The following ACBD6 variants were observed in gnomAD, a reference collection of about 807,000 sequenced individuals.
ACBD6 encodes acyl-CoA binding domain containing 6, also known as acyl-CoA-binding domain-containing protein 6.
Under a neutral mutation model 37.2 loss-of-function variants are expected in ACBD6, and 28 were observed. The observed-to-expected ratio is 0.75, with a 90% CI of 0.56 to 1.03. The LOEUF (loss-of-function observed/expected upper bound fraction) is 1.03, where lower values mean the gene tolerates loss of function less well. Ranked by LOEUF, ACBD6 falls within the 50% of genes least tolerant of loss-of-function variation. The probability of loss-of-function intolerance (pLI) is 0.00; values close to 1 mark genes in which losing one functional copy is unlikely to be tolerated. For synonymous variants in ACBD6, 113 were observed against 126.8 expected, an observed-to-expected ratio of 0.89 and a Z score of 0.73; for missense variants, 340 against 337.4, an observed-to-expected ratio of 1.01 and a Z score of -0.06.
At chr1:180,421,079 T>C (rs535247065) in intron 4 of ACBD6, among the ~76,000 whole-genome samples, 1 of 152,212 alleles carries the variant, frequency 6.6e-6, no homozygotes, top group South Asian at 2.1e-4. Flanking sequence ...TGTAAATAGG[T>C]GCCATGGTGG....
At chr1:180,442,177 A>G (rs1420302256) in intron 3 of ACBD6, among the ~76,000 whole-genome samples, 1 of 151,570 alleles carries the variant, frequency 6.6e-6, no homozygotes, top group Non-Finnish European at 1.5e-5. Context: ...TCTCTTTTTC[A>G]CTGGCTTTCA....
At position 180,375,674 on chromosome 1, in the gene ACBD6, GGAA is replaced by G. The variant is rs1437342722; in HGVS notation, c.663+21839_663+21841del. Among the ~76,000 whole-genome samples, 10 of 152,116 alleles carry G rather than the reference GGAA, an allele frequency of 6.6e-5. No individual in the cohort carries two copies. In the East Asian group the frequency reaches 1.9e-3, roughly 29 times the overall value. On this transcript the variant is annotated intron_variant, in intron 6 of 7. Coordinates refer to ENST00000367595, the MANE Select transcript of ACBD6 (RefSeq NM_032360.4). ...TGCCAGGACAACAGGTAAGCCACTT[GGAA>G]GAAGACAAAATTAGATCCACATCTC... is the stretch of plus-strand genomic sequence containing the variant.
At chr1:180,401,437 G>C (rs2101956702) in intron 5 of ACBD6, among the ~76,000 whole-genome samples, 1 of 152,008 alleles carries the variant, frequency 6.6e-6, no homozygotes, top group South Asian at 2.1e-4. Context: ...AAACCATGTA[G>C]AATTTTTTTT....
At chr1:180,470,516 C>T (rs1235519837) in intron 3 of ACBD6, among the ~76,000 whole-genome samples, 5 of 152,148 alleles carry the variant, frequency 3.3e-5, no homozygotes, top group Admixed American at 3.3e-4. Flanking sequence ...CTTAGAATAG[C>T]AATGAACTGA....
At chr1:180,490,904 G>A (rs1192124965) in intron 3 of ACBD6, among the ~76,000 whole-genome samples, 1 of 146,896 alleles carries the variant, frequency 6.8e-6, no homozygotes. Context: ...GTTACGTTGA[G>A]CCAAGATCCT....
chr1:180,408,919 G>A (rs1647737947), intron 5 of ACBD6, among the ~76,000 whole-genome samples: 2 of 152,086 alleles, frequency 1.3e-5, no homozygotes, highest in South Asian at 4.1e-4. Context: ...CACTTTGGGA[G>A]GCTGAGGCAG....
At chr1:180,275,068 T>C (rs781370335) in exon 10 of ACBD6, 20 of 153,466 alleles carry the variant, frequency 1.3e-4, no homozygotes, top group Non-Finnish European at 2.5e-4. Context: ...TTGAACCCTA[T>C]ATTTCAAAAT....
intron 6 of ACBD6, among the ~76,000 whole-genome samples, chr1:180,355,689 C>T (rs1652598518): frequency 6.6e-6 from 1 of 152,168 alleles, no homozygotes; most frequent in African/African-American, 2.4e-5. Context: ...TCCTAATCCA[C>T]TAACTCCTAC....
chr1:180,315,360 G>A (rs1650758110), intron 6 of ACBD6, among the ~76,000 whole-genome samples: 2 of 152,256 alleles, frequency 1.3e-5, no homozygotes, highest in Non-Finnish European at 2.9e-5. Flanking sequence ...TTGTAGTGCA[G>A]TTGAGTACTT....
intron 6 of ACBD6, among the ~76,000 whole-genome samples, chr1:180,316,336 G>A (rs61811591): frequency 1.7e-4 from 25 of 149,390 alleles, no homozygotes; most frequent in South Asian, 1.3e-3. Context: ...GCGTGAGTGC[G>A]CACACACACA....
At chr1:180,388,093 G>A (rs557367240) in intron 6 of ACBD6, among the ~76,000 whole-genome samples, 148 of 151,372 alleles carry the variant, frequency 9.8e-4, no homozygotes, top group Middle Eastern at 3.4e-3. Flanking sequence ...GGAGAATGGC[G>A]TGAACCCAGG....
chr1:180,332,512 C>A (rs914732514), intron 6 of ACBD6, among the ~76,000 whole-genome samples: 7 of 152,048 alleles, frequency 4.6e-5, no homozygotes, highest in Non-Finnish European at 8.8e-5. Context: ...TAGATTCTCA[C>A]AGGAATGCCA....
intron 3 of ACBD6, among the ~76,000 whole-genome samples, chr1:180,463,266 A>T (rs1019648466): frequency 6.6e-6 from 1 of 152,220 alleles, no homozygotes; most frequent in East Asian, 1.9e-4. Context: ...CATTCAAAAG[A>T]TCGATGAATC....
chr1:180,476,974 A>G lies in ACBD6; in HGVS notation c.384+15295T>C, dbSNP rs1451204447. On this transcript the variant is annotated intron_variant, in intron 3 of 7. Coordinates refer to ENST00000367595, the MANE Select transcript of ACBD6 (RefSeq NM_032360.4). ...GTTCCCCTCTGAAGCTAACCAAAACATTACACAATATAATGCTTTGTATAA... is the reference window on the plus strand; with the variant it reads ...GTTCCCCTCTGAAGCTAACCAAAACGTTACACAATATAATGCTTTGTATAA... 2.6e-5 allele frequency among the ~76,000 whole-genome samples: 4 copies of G among 152,302 alleles called. No homozygotes were observed. In the East Asian group the frequency reaches 7.7e-4, roughly 29 times the overall value.
At chr1:180,413,201 C>G (rs1458315552) in intron 5 of ACBD6, among the ~76,000 whole-genome samples, 165 bp downstream of exon 5, 1 of 152,180 alleles carries the variant, frequency 6.6e-6, no homozygotes, top group Non-Finnish European at 1.5e-5. Flanking sequence ...GACATAATCA[C>G]AGAACGTATC....
intron 6 of ACBD6, among the ~76,000 whole-genome samples, chr1:180,383,298 G>C (rs1400102520): frequency 6.6e-6 from 1 of 151,966 alleles, no homozygotes; most frequent in Non-Finnish European, 1.5e-5. Flanking sequence ...AAACCTATAG[G>C]CTCCACCAAA....
rs79232021 is a variant in ACBD6 at position 180,283,173 on chromosome 1, A to T, written c.*94-1787T>A. Among the ~76,000 whole-genome samples, 1,139 of 152,212 alleles carry T rather than the reference A, an allele frequency of 7.5e-3. 19 individuals are homozygous for T. The highest frequency in any genetic ancestry group is 0.027 in the African/African-American group (1,109 of 41,530). ...CTTTTATTACACAAAGTGTCCATCA[A>T]CTGAACTTACCTTCTAAATATTAAA... is the stretch of plus-strand genomic sequence containing the variant. On this transcript the variant is annotated intron_variant, in intron 8 of 13. Transcript: ENST00000642319.
chr1:180,275,534 C>G (rs1648975132), intron 9 of ACBD6: 1 of 152,200 alleles, frequency 6.6e-6, no homozygotes, highest in South Asian at 2.1e-4. Flanking sequence ...GTTCCCCATC[C>G]CTTGTAGGGT....
chr1:180,329,453 C>CAA (rs1274120970), intron 6 of ACBD6, among the ~76,000 whole-genome samples: 2 of 152,154 alleles, frequency 1.3e-5, no homozygotes, highest in African/African-American at 4.8e-5. Flanking sequence ...GGAAATCAGA[C>CAA]AAGCAAGTTC....
Sources: allele counts gnomAD v4.1 joint callset (sites outside exome capture counted in the v4.1 genomes callset), GRCh38; gene constraint gnomAD v4.1.1; transcripts MANE v1.5; gene names NCBI Gene and HGNC (gene_info 2026-07-23, HGNC 2026-07-21).